TRPV3: variants seen among roughly 807,000 people sequenced by gnomAD.
TRPV3 encodes the protein transient receptor potential cation channel subfamily V member 3.
A neutral mutation model predicts 87.1 loss-of-function variants in TRPV3; 88 were observed. The ratio of observed to expected loss-of-function variants is 1.01; its 90% CI spans 0.85 to 1.21. TRPV3 has a LOEUF of 1.21. Ranked by LOEUF, TRPV3 falls within the 50% of genes most tolerant of loss-of-function variation. The pLI is 0.00. For missense variants in TRPV3, 1,054 were observed against 1,030.1 expected, an observed-to-expected ratio of 1.02 and a Z score of -0.32; for synonymous variants, 438 against 423.3, an observed-to-expected ratio of 1.03 and a Z score of -0.43.
intron 5 of TRPV3, 150 bp downstream of exon 5, chr17:3,543,324 T>G: frequency 9.8e-7 from 1 of 1,017,668 alleles, no homozygotes; most frequent in Non-Finnish European, 1.4e-6. Flanking sequence ...TGGTTCCCCA[T>G]TCTCCTCGGA....
intron 12 of TRPV3, among the ~76,000 whole-genome samples, chr17:3,525,209 G>A (rs374919366): frequency 3.2e-4 from 49 of 152,186 alleles, no homozygotes; most frequent in South Asian, 8.3e-4. Context: ...TAGTAGAGAT[G>A]GGGTTTCACC....
At position 3,511,332 on chromosome 17, in the gene TRPV3, A is replaced by G. The variant is rs559158933; in HGVS notation, c.*2585T>C. On this transcript the variant is annotated 3_prime_UTR_variant, in exon 18 of 18. Coordinates refer to ENST00000576742, the MANE Select transcript of TRPV3 (RefSeq NM_145068.4). ...GAAATACAAAGACTCAAAATGATGG[A>G]ATAACTGTGCTTTTTAAAAATAAAT... is the stretch of plus-strand genomic sequence containing the variant. The G allele has an allele frequency of 6.6e-6, 1 of 152,310 alleles. No homozygotes were observed. Among genetic ancestry groups the G allele is most frequent in the African/African-American group, 2.4e-5 (1 of 41,540 alleles). 9.4% of individuals were successfully genotyped at this position (152,310 alleles called of 1,614,324 possible).
At position 3,514,482 on chromosome 17, in the gene TRPV3, C is replaced by T. The variant is rs937916007; in HGVS notation, c.2278+111G>A. ...AAGAGACCTAAGAAGCATTTCCATTCAACCCTCCCATTTGACAGATGGGGA... is the reference window on the plus strand; with the variant it reads ...AAGAGACCTAAGAAGCATTTCCATTTAACCCTCCCATTTGACAGATGGGGA... On this transcript the variant is annotated intron_variant, in intron 17 of 17. Transcript: ENST00000576742. 1.6e-4 allele frequency: 120 copies of T among 753,648 alleles called. No individual in the cohort carries two copies. The East Asian group carries it at 3.0e-3, about 19-fold the overall frequency. 46.7% of individuals were successfully genotyped at this position (753,648 alleles called of 1,614,324 possible).
chr17:3,548,938 C>T (rs1351212392), intron 2 of TRPV3, among the ~76,000 whole-genome samples: 1 of 152,158 alleles, frequency 6.6e-6, no homozygotes, highest in Non-Finnish European at 1.5e-5. Flanking sequence ...GGATCGTCCT[C>T]TTATGGAATT....
chr17:3,549,922 TGATG>T (rs1374634576), intron 2 of TRPV3, among the ~76,000 whole-genome samples: 2 of 142,576 alleles, frequency 1.4e-5, no homozygotes, highest in South Asian at 2.3e-4. Context: ...AGTGGATGGT[TGATG>T]GATGGATGGA....
intron 15 of TRPV3, 148 bp from the exon 16 acceptor site, chr17:3,516,717 C>A: frequency 1.5e-6 from 1 of 654,582 alleles, no homozygotes; most frequent in Admixed American, 2.5e-5. Context: ...AATTCAAAGA[C>A]AAAAAAGCAG....
rs1193797302 is a variant in TRPV3 at position 3,528,813 on chromosome 17, TC to T, written c.1401+23del. ...CCCTCCAGCTCTGACGGCCCCATTT[TC>T]CCCCTCCAAGGGGCCCACGTACCTC... On this transcript the variant is annotated intron_variant, in intron 10 of 17. Transcript: ENST00000576742. This position sits in a 1 kb window ranked among gnomAD's most constrained non-coding sequence, Gnocchi z 4.2. 1 of 1,612,932 alleles carries T rather than the reference TC, an allele frequency of 6.2e-7. No individual in the cohort carries two copies. Among genetic ancestry groups the T allele is most frequent in the Non-Finnish European group, 8.5e-7 (1 of 1,179,578 alleles).
At chr17:3,529,023 T>G in intron 9 of TRPV3, 28 bp from the exon 10 acceptor site, 7 of 1,613,806 alleles carry the variant, frequency 4.3e-6, no homozygotes, top group Non-Finnish European at 5.9e-6. Context: ...CCAGTCACCA[T>G]GGAGATGAGG....
intron 2 of TRPV3, among the ~76,000 whole-genome samples, chr17:3,547,077 C>T (rs938687274): frequency 1.3e-5 from 2 of 152,118 alleles, no homozygotes; most frequent in African/African-American, 2.4e-5. Flanking sequence ...GCCCTGTCTG[C>T]AGCCACCTCC....
chr17:3,546,629 A>T (rs1303192643), intron 2 of TRPV3: 2 of 455,964 alleles, frequency 4.4e-6, no homozygotes, highest in Non-Finnish European at 8.8e-6. Flanking sequence ...TTCTATCTGT[A>T]GATAAAGCAA....
chr17:3,528,105 G>A lies in TRPV3; in HGVS notation c.1423C>T (p.Leu475=). The stretch of plus-strand genomic sequence containing the variant: ...TGCAGCCACCCCATCTTGTGCGTCA[G>A]GGCCAAGGGGTGCGGGATGGCCTGC... ...EEEAIPHPLA[L]THKMGWLQLL... Residue 475 remains leucine, a synonymous_variant, in exon 11 of 18, where the codon CTG becomes TTG. Transcript: ENST00000576742. The surrounding 1 kb of genome is among the most constrained non-coding windows in gnomAD (Gnocchi z 4.2). 1.2e-6 allele frequency: 2 copies of A among 1,613,440 alleles called. No homozygotes were observed. The highest frequency in any genetic ancestry group is 1.7e-6 in the Non-Finnish European group (2 of 1,179,846).
chr17:3,548,788 T>A (rs988196067), intron 2 of TRPV3, among the ~76,000 whole-genome samples: 10 of 152,170 alleles, frequency 6.6e-5, no homozygotes, highest in Admixed American at 2.0e-4. Flanking sequence ...AAGCCTGGGT[T>A]CTAGTCCAGC....
chr17:3,554,445 C>T, intron 2 of TRPV3: 1 of 326,676 alleles, frequency 3.1e-6, no homozygotes, highest in Non-Finnish European at 5.6e-6. Context: ...CCATCCCTCA[C>T]CTCCCTCAGG....
At chr17:3,520,862 C>A (rs912788932) in intron 14 of TRPV3, 111 bp downstream of exon 14, 16 of 568,886 alleles carry the variant, frequency 2.8e-5, no homozygotes, top group Non-Finnish European at 4.4e-5. Context: ...GGCAAGTGCC[C>A]CACTGGTAGT....
chr17:3,556,132 G>T lies in TRPV3; in HGVS notation c.-2-1280C>A, dbSNP rs895702252. Among the ~76,000 whole-genome samples the T allele has an allele frequency of 6.6e-6, 1 of 151,302 alleles. No individual in the cohort carries two copies. Among genetic ancestry groups the T allele is most frequent in the African/African-American group, 2.4e-5 (1 of 41,110 alleles). Reference sequence around the variant, plus strand: ...GCAGAGGTTGGATTGAGCCGAGATTGTGCCACTGCACTCCAGCCTGGGCGA... The same window carrying T: ...GCAGAGGTTGGATTGAGCCGAGATTTTGCCACTGCACTCCAGCCTGGGCGA... On this transcript the variant is annotated intron_variant, in intron 1 of 17. Transcript: ENST00000576742. This position sits in a 1 kb window ranked among gnomAD's most constrained non-coding sequence, Gnocchi z 4.2.
chr17:3,521,565 A>G (rs150053629), intron 13 of TRPV3, among the ~76,000 whole-genome samples: 1 of 152,316 alleles, frequency 6.6e-6, no homozygotes, highest in East Asian at 1.9e-4. Flanking sequence ...CACACAAAGA[A>G]ATGGCAACTA....
intron 2 of TRPV3, among the ~76,000 whole-genome samples, chr17:3,547,011 A>G (rs2074533516): frequency 6.7e-6 from 1 of 149,034 alleles, no homozygotes. Flanking sequence ...TGCTAGAAAT[A>G]CTGGATGGCT....
rs5818898 is a variant in TRPV3, at chr17:3,512,327, A to G, written c.*1590T>C. On this transcript the variant is annotated 3_prime_UTR_variant, in exon 18 of 18. Coordinates refer to ENST00000576742, the MANE Select transcript of TRPV3 (RefSeq NM_145068.4). ...GGGCTGCTGTGGATTGTGAAGCCTC[A>G]CACACCCCAGCCCACCTCTCCCCAA... 0.95 allele frequency: 144,449 copies of G among 152,086 alleles called. 69,029 individuals carry two copies. The highest frequency in any genetic ancestry group is 1 in the East Asian group (5,152 of 5,152). 9.4% of individuals were successfully genotyped at this position (152,086 alleles called of 1,614,324 possible). A position where few individuals can be genotyped will look rare whatever the true frequency, so the allele number is the denominator to read the frequency against.
chr17:3,545,171 G>A lies in TRPV3; in HGVS notation c.220C>T (p.Gln74Ter), dbSNP rs377641442. The change falls in exon 3 of 18, where the codon CAG (glutamine) becomes TAG (stop). Residue 74 changes from glutamine (Q) to a stop codon, truncating the protein, a stop_gained. Coordinates refer to ENST00000576742, the MANE Select transcript of TRPV3 (RefSeq NM_145068.4). LOFTEE classifies it high-confidence loss of function. Reference protein sequence around the residue: ...FSKPMDSNIRQCISGNCDDMD... With the variant: ...FSKPMDSNIR The stretch of plus-strand genomic sequence containing the variant: ...TGGGCTGGGGCCCGTACTCACCACT[G>A]CCGGATGTTGGAATCCATGGGCTTG... The A allele has an allele frequency of 2.1e-5, 34 of 1,613,250 alleles. No individual in the cohort carries two copies. The highest frequency in any genetic ancestry group is 2.9e-5 in the Non-Finnish European group (34 of 1,179,424).
Sources: allele counts gnomAD v4.1 joint callset (sites outside exome capture counted in the v4.1 genomes callset), GRCh38; gene constraint gnomAD v4.1.1; non-coding constraint Gnocchi (gnomAD v3.1); transcripts MANE v1.5; gene names NCBI Gene and HGNC (gene_info 2026-07-23, HGNC 2026-07-21).